CDK5RAP2: variants seen among roughly 807,000 people sequenced by gnomAD.
The protein encoded by CDK5RAP2 is CDK5 regulatory subunit associated protein 2.
In CDK5RAP2, 147 loss-of-function variants were observed where a neutral mutation model predicts 232.9. That is an observed-to-expected ratio of 0.63 (90% CI 0.55 to 0.72). CDK5RAP2 has a LOEUF of 0.72. Ranked by LOEUF, CDK5RAP2 falls within the 30% of genes least tolerant of loss-of-function variation. The pLI is 0.00. For synonymous variants in CDK5RAP2, 833 were observed against 833.7 expected (o/e 1.00, Z 0.01); for missense variants, 2,195 against 2,231.5 (o/e 0.98, Z 0.33).
chr9:120,520,100 C>T (rs1049182288), intron 11 of CDK5RAP2, among the ~76,000 whole-genome samples: 3 of 152,104 alleles, frequency 2.0e-5, no homozygotes, highest in Admixed American at 2.0e-4. Flanking sequence ...AAGTAATGGC[C>T]TCTATTTTTT....
intron 12 of CDK5RAP2, among the ~76,000 whole-genome samples, chr9:120,505,594 T>G (rs2039774732): frequency 6.6e-6 from 1 of 152,212 alleles, no homozygotes; most frequent in Non-Finnish European, 1.5e-5. Context: ...CTAGGCCTCT[T>G]GCACCAGTTA....
At position 120,564,125 on chromosome 9, in the gene CDK5RAP2, A is replaced by G. The variant is rs545813898; in HGVS notation, c.195+4196T>C. Among the ~76,000 whole-genome samples the G allele has an allele frequency of 2.0e-5, 3 of 152,336 alleles. No homozygotes were observed. The South Asian group carries it at 6.2e-4, about 32-fold the overall frequency. ...GTTTATTGCATGTAAGTTATGCTTAATATCTCCGACATCCAGAAATCTCAT... is the reference window on the plus strand; with the variant it reads ...GTTTATTGCATGTAAGTTATGCTTAGTATCTCCGACATCCAGAAATCTCAT... On this transcript the variant is annotated intron_variant, in intron 3 of 37. Coordinates refer to ENST00000349780, the MANE Select transcript of CDK5RAP2 (RefSeq NM_018249.6).
intron 3 of CDK5RAP2, among the ~76,000 whole-genome samples, chr9:120,556,495 C>A (rs1471474132): frequency 6.6e-6 from 1 of 151,318 alleles, no homozygotes; most frequent in Non-Finnish European, 1.5e-5. Flanking sequence ...GTGGTGCAAT[C>A]TCAGCTCACT....
At position 120,408,455 on chromosome 9, in the gene CDK5RAP2, C is replaced by G. The variant is rs4837768; in HGVS notation, c.4618G>C (p.Val1540Leu). ...GAGAGCAGCTGCTGCCTCAACTTCA[C>G]CTCCTCCTGCACCCTGAGAAGGCCC... ...GQELSRVQEE[V>L]KLRQQLLSQN... is the part of the protein sequence containing the mutation. The change falls in exon 31 of 38, where the codon GTG (valine) becomes CTG (leucine). Residue 1540 changes from valine (V) to leucine (L), a missense_variant. Val to Leu is a conservative substitution (Grantham distance 32). Transcript: ENST00000349780. 0.76 allele frequency: 1,218,991 copies of G among 1,613,638 alleles called. 462,876 individuals carry two copies. The highest frequency in any genetic ancestry group is 0.86 in the Admixed American group (51,464 of 60,020).
At chr9:120,468,063 GC>G in intron 17 of CDK5RAP2, 66 bp from the exon 18 acceptor site, 2 of 1,519,866 alleles carry the variant, frequency 1.3e-6, no homozygotes, top group South Asian at 1.1e-5. Context: ...CAGGGCCGCA[GC>G]CCCAGACAGC....
chr9:120,471,912 A>G, intron 15 of CDK5RAP2, 34 bp from the exon 16 acceptor site: 1 of 1,613,630 alleles, frequency 6.2e-7, no homozygotes, highest in South Asian at 1.1e-5. Flanking sequence ...GTTTTAAAAC[A>G]GACCTATTTG....
In CDK5RAP2 at chr9:120,439,435, T is replaced by C. The variant is rs148403620; in HGVS notation, c.3686A>G (p.Asn1229Ser). The C allele has an allele frequency of 3.4e-5, 55 of 1,614,146 alleles. No homozygotes were observed. The African/African-American group carries it at 5.9e-4, about 17-fold the overall frequency. The change falls in exon 24 of 38, where the codon AAT becomes AGT. Residue 1229 changes from asparagine (N) to serine (S), a missense_variant. Coordinates refer to ENST00000349780, the MANE Select transcript of CDK5RAP2 (RefSeq NM_018249.6). ...LNMQLFSEIH[N>S]LQNKFRDLSP... ...GAGATCTCTGAACTTATTCTGCAGA[T>C]TATGGATCTCACTGAAAAGTTGCAT...
intron 27 of CDK5RAP2, among the ~76,000 whole-genome samples, chr9:120,415,657 G>A (rs966049381): frequency 1.3e-5 from 2 of 152,198 alleles, no homozygotes; most frequent in Non-Finnish European, 2.9e-5. Flanking sequence ...TAGTGAGAAT[G>A]GTAATAAGAA....
chr9:120,512,882 C>T (rs1034910968), intron 12 of CDK5RAP2, among the ~76,000 whole-genome samples: 2 of 152,212 alleles, frequency 1.3e-5, no homozygotes, highest in Non-Finnish European at 2.9e-5. Flanking sequence ...GTACAATCTA[C>T]ACCTGAGGAT....
intron 18 of CDK5RAP2, among the ~76,000 whole-genome samples, chr9:120,461,622 C>CT (rs2037093115): frequency 6.6e-6 from 1 of 152,198 alleles, no homozygotes; most frequent in Non-Finnish European, 1.5e-5. Context: ...AGGCAGATTG[C>CT]TTGAGTCCAG....
At chr9:120,408,897 G>A (rs1375870807) in intron 30 of CDK5RAP2, among the ~76,000 whole-genome samples, 2 of 152,228 alleles carry the variant, frequency 1.3e-5, no homozygotes, top group African/African-American at 4.8e-5. Flanking sequence ...TTTTCACAAA[G>A]GCCTTCCCTG....
intron 1 of CDK5RAP2, among the ~76,000 whole-genome samples, chr9:120,575,432 C>T (rs1190239981): frequency 6.6e-6 from 1 of 152,140 alleles, no homozygotes; most frequent in Non-Finnish European, 1.5e-5. Flanking sequence ...TCCTATCTTG[C>T]TCTATTGCTA....
intron 10 of CDK5RAP2, among the ~76,000 whole-genome samples, chr9:120,527,016 T>C (rs1385872560): frequency 6.6e-6 from 1 of 151,538 alleles, no homozygotes. Context: ...CCCTTCCCTC[T>C]GCCTCCCCAG....
At chr9:120,418,185 A>C (rs1217694867) in intron 27 of CDK5RAP2, among the ~76,000 whole-genome samples, 1 of 152,166 alleles carries the variant, frequency 6.6e-6, no homozygotes, top group Non-Finnish European at 1.5e-5. Context: ...TACTGGGATG[A>C]CTCCAGGGAG....
chr9:120,525,893 A>G (rs1305076936), intron 10 of CDK5RAP2, among the ~76,000 whole-genome samples: 1 of 152,208 alleles, frequency 6.6e-6, no homozygotes, highest in Non-Finnish European at 1.5e-5. Flanking sequence ...GTTGGGATAA[A>G]AGGCGTAAGC....
intron 14 of CDK5RAP2, among the ~76,000 whole-genome samples, chr9:120,479,357 A>G (rs1204231133): frequency 6.6e-6 from 1 of 152,212 alleles, no homozygotes; most frequent in Non-Finnish European, 1.5e-5. Context: ...AAGGATGCTA[A>G]AACTAGTAGG....
chr9:120,435,358 G>A (rs1470560709), intron 25 of CDK5RAP2, among the ~76,000 whole-genome samples: 1 of 152,062 alleles, frequency 6.6e-6, no homozygotes, highest in African/African-American at 2.4e-5. Flanking sequence ...TGTTGGAGAA[G>A]GGAAGTAAAA....
chr9:120,444,706 C>T (rs901923523), intron 22 of CDK5RAP2, among the ~76,000 whole-genome samples: 4 of 152,192 alleles, frequency 2.6e-5, no homozygotes, highest in African/African-American at 9.7e-5. Flanking sequence ...AAAATCCATA[C>T]AAGAAGTATC....
At chr9:120,510,714 C>T (rs2040039905) in intron 12 of CDK5RAP2, among the ~76,000 whole-genome samples, 1 of 152,170 alleles carries the variant, frequency 6.6e-6, no homozygotes, top group South Asian at 2.1e-4. Context: ...TTAAACATCC[C>T]AGTTAGGGCA....
Sources: allele counts gnomAD v4.1 joint callset (sites outside exome capture counted in the v4.1 genomes callset), GRCh38; gene constraint gnomAD v4.1.1; transcripts MANE v1.5; gene names NCBI Gene and HGNC (gene_info 2026-07-23, HGNC 2026-07-21).